CARMIL1: variants seen among roughly 807,000 people sequenced by gnomAD.
The protein encoded by CARMIL1 is capping protein regulator and myosin 1 linker 1.
In CARMIL1, 90 loss-of-function variants were observed where a neutral mutation model predicts 177.1. The observed-to-expected ratio is 0.51, with a 90% CI of 0.43 to 0.61. CARMIL1 has a LOEUF of 0.61. Among genes scored for constraint, CARMIL1 ranks in the 20% least tolerant of loss-of-function variants. The pLI, the probability that CARMIL1 is intolerant of heterozygous loss-of-function variation, is 0.00. For synonymous variants in CARMIL1, 577 were observed against 606.2 expected (o/e 0.95, Z 0.71); for missense variants, 1,380 against 1,667.0 (o/e 0.83, Z 3.00).
rs111928497 is a variant in CARMIL1 at position 25,366,281 on chromosome 6, G to A, written c.139-53833G>A. 3.3e-3 allele frequency among the ~76,000 whole-genome samples: 499 copies of A among 152,228 alleles called. 1 individual carries two copies. The highest frequency in any genetic ancestry group is 9.0e-3 in the African/African-American group (373 of 41,512). Reference sequence around the variant, plus strand: ...CAAAGTGCTGGGATTACAGGCATGAGCCACCATACATGGCCTTTCAGTGTC... The same window carrying A: ...CAAAGTGCTGGGATTACAGGCATGAACCACCATACATGGCCTTTCAGTGTC... On this transcript the variant is annotated intron_variant, in intron 2 of 36. Coordinates refer to ENST00000329474, the MANE Select transcript of CARMIL1 (RefSeq NM_017640.6).
At chr6:25,327,789 A>G (rs968807653) in intron 2 of CARMIL1, among the ~76,000 whole-genome samples, 9 of 152,228 alleles carry the variant, frequency 5.9e-5, no homozygotes, top group African/African-American at 1.9e-4. Flanking sequence ...ATTGAATCCA[A>G]CTTCTTGGAA....
intron 21 of CARMIL1, 53 bp from the exon 22 acceptor site, chr6:25,517,294 A>G: frequency 7.3e-7 from 1 of 1,361,894 alleles, no homozygotes; most frequent in Non-Finnish European, 1.0e-6. Flanking sequence ...ATTCAATGTG[A>G]GAATCATTTT....
At chr6:25,500,263 G>T in intron 17 of CARMIL1, 28 bp downstream of exon 17, 1 of 1,592,868 alleles carries the variant, frequency 6.3e-7, no homozygotes, top group Non-Finnish European at 8.6e-7. Flanking sequence ...TTGTATACTG[G>T]AATAGATAAT....
chr6:25,445,112 C>T (rs1798104750), intron 5 of CARMIL1, among the ~76,000 whole-genome samples: 1 of 152,226 alleles, frequency 6.6e-6, no homozygotes, highest in Admixed American at 6.5e-5. Flanking sequence ...CCTTGCATTT[C>T]TCTGATGACC....
intron 2 of CARMIL1, among the ~76,000 whole-genome samples, chr6:25,289,345 C>T (rs1257054804): frequency 6.6e-6 from 1 of 152,092 alleles, no homozygotes; most frequent in African/African-American, 2.4e-5. Flanking sequence ...TTTTATAGTA[C>T]TTGGAGTGTA....
At chr6:25,581,466 T>C in intron 31 of CARMIL1, 27 bp downstream of exon 31, 8 of 1,576,598 alleles carry the variant, frequency 5.1e-6, no homozygotes, top group Non-Finnish European at 6.0e-6. Flanking sequence ...AGAGGCCCCA[T>C]CTCTCCCACA....
chr6:25,287,823 A>G (rs1421504285), intron 2 of CARMIL1, among the ~76,000 whole-genome samples: 1 of 152,210 alleles, frequency 6.6e-6, no homozygotes, highest in African/African-American at 2.4e-5. Flanking sequence ...ACTTTGTTCC[A>G]TGGTTGCTGA....
chr6:25,412,579 A>C (rs569393837), intron 2 of CARMIL1, among the ~76,000 whole-genome samples: 16 of 152,296 alleles, frequency 1.1e-4, no homozygotes, highest in Admixed American at 1.0e-3. Flanking sequence ...CTATATCTTA[A>C]AGAGAAAAGG....
chr6:25,300,027 T>C (rs1357626682), intron 2 of CARMIL1, among the ~76,000 whole-genome samples: 1 of 151,388 alleles, frequency 6.6e-6, no homozygotes, highest in African/African-American at 2.4e-5. Flanking sequence ...GTCCTTTGGA[T>C]TGTAGAATTG....
At chr6:25,563,293 G>T in intron 29 of CARMIL1, 3 of 985,382 alleles carry the variant, frequency 3.0e-6, no homozygotes, top group Non-Finnish European at 2.4e-6. Context: ...CTGCTTTCCA[G>T]TTAGAATAAA....
intron 23 of CARMIL1, among the ~76,000 whole-genome samples, chr6:25,524,698 T>C (rs1806917873): frequency 6.6e-6 from 1 of 152,070 alleles, no homozygotes; most frequent in Admixed American, 6.5e-5. Flanking sequence ...AAAATAACCA[T>C]GATTAAGTTG....
intron 17 of CARMIL1, among the ~76,000 whole-genome samples, chr6:25,507,136 C>T (rs1330174011): frequency 6.6e-6 from 1 of 152,120 alleles, no homozygotes; most frequent in Non-Finnish European, 1.5e-5. Context: ...AATTTAAAAA[C>T]CAGTTTTACA....
rs557506869 is a variant in CARMIL1, at chr6:25,465,252, CTG to C, written c.615-617_615-616del. ...AAGAGTTTATGAAGGAGGCCAGGCA[CTG>C]TGTCTTATGCCTGTAATCTCAGCAC... On this transcript the variant is annotated intron_variant, in intron 8 of 36. Coordinates refer to ENST00000329474, the MANE Select transcript of CARMIL1 (RefSeq NM_017640.6). Among the ~76,000 whole-genome samples, 39 of 152,200 alleles carry C rather than the reference CTG, an allele frequency of 2.6e-4. No individual in the cohort carries two copies. The East Asian group carries it at 7.1e-3, about 28-fold the overall frequency.
intron 2 of CARMIL1, among the ~76,000 whole-genome samples, chr6:25,390,997 C>T (rs925689192): frequency 6.6e-6 from 1 of 152,228 alleles, no homozygotes; most frequent in African/African-American, 2.4e-5. Context: ...CCACTGTGCC[C>T]AGCCACTTTG....
chr6:25,295,690 C>T (rs1782323853), intron 2 of CARMIL1, among the ~76,000 whole-genome samples: 1 of 152,170 alleles, frequency 6.6e-6, no homozygotes, highest in Non-Finnish European at 1.5e-5. Flanking sequence ...AAACCTTTTT[C>T]ATGCAATTTA....
intron 24 of CARMIL1, among the ~76,000 whole-genome samples, chr6:25,536,764 A>G (rs565924023): frequency 8.0e-4 from 122 of 152,330 alleles, no homozygotes; most frequent in Middle Eastern, 6.8e-3. Context: ...TTATGGGGGA[A>G]GAAGGGCAGA....
intron 8 of CARMIL1, among the ~76,000 whole-genome samples, chr6:25,464,578 G>T (rs1800426298): frequency 6.6e-6 from 1 of 152,144 alleles, no homozygotes; most frequent in South Asian, 2.1e-4. Flanking sequence ...CTGAGTATCT[G>T]CTACTTGTCC....
chr6:25,437,595 C>G (rs1797344629), intron 5 of CARMIL1, among the ~76,000 whole-genome samples: 1 of 152,160 alleles, frequency 6.6e-6, no homozygotes, highest in African/African-American at 2.4e-5. Flanking sequence ...ACCAGCTGCC[C>G]AATAGGGCAT....
At chr6:25,409,338 A>G (rs1280388896) in intron 2 of CARMIL1, among the ~76,000 whole-genome samples, 2 of 152,190 alleles carry the variant, frequency 1.3e-5, no homozygotes, top group Non-Finnish European at 2.9e-5. Flanking sequence ...GCTATATTCT[A>G]TAAGTTTGAG....
Sources: allele counts gnomAD v4.1 joint callset (sites outside exome capture counted in the v4.1 genomes callset), GRCh38; gene constraint gnomAD v4.1.1; transcripts MANE v1.5; gene names NCBI Gene and HGNC (gene_info 2026-07-23, HGNC 2026-07-21).